The following GRID2 variants were observed in gnomAD, a reference collection of about 807,000 sequenced individuals.
GRID2 encodes glutamate ionotropic receptor delta type subunit 2.
Under a neutral mutation model 114.8 loss-of-function variants are expected in GRID2, and 33 were observed. That is an observed-to-expected ratio of 0.29 (90% CI 0.22 to 0.38). The LOEUF is 0.38. GRID2 is among the 10% of genes least tolerant of loss of function. The probability of loss-of-function intolerance (pLI) is 1.00; values close to 1 mark genes in which losing one functional copy is unlikely to be tolerated. For synonymous variants in GRID2, 505 were observed against 449.9 expected (o/e 1.12, Z -1.55); for missense variants, 1,184 against 1,257.7 (o/e 0.94, Z 0.89).
intron 3 of GRID2, among the ~76,000 whole-genome samples, chr4:93,106,033 C>G (rs374293019): frequency 5.6e-4 from 85 of 152,258 alleles, no homozygotes; most frequent in Non-Finnish European, 1.0e-3. Context: ...CTTCCTCCTC[C>G]CCCAGTCTTA....
At chr4:92,751,955 G>C (rs962636928) in intron 2 of GRID2, among the ~76,000 whole-genome samples, 3 of 152,194 alleles carry the variant, frequency 2.0e-5, no homozygotes, top group African/African-American at 7.2e-5. Context: ...AGATGAGCCA[G>C]TGTTCTAAGG....
At chr4:92,426,642 A>G (rs1053791920) in intron 1 of GRID2, among the ~76,000 whole-genome samples, 2 of 152,170 alleles carry the variant, frequency 1.3e-5, no homozygotes, top group African/African-American at 4.8e-5. Flanking sequence ...CCCTTTGGAA[A>G]TACAATCACA....
intron 2 of GRID2, among the ~76,000 whole-genome samples, chr4:92,687,794 A>C (rs1037181167): frequency 6.6e-6 from 1 of 151,904 alleles, no homozygotes; most frequent in African/African-American, 2.4e-5. Flanking sequence ...GCACCACTGC[A>C]CTCCAGCCTG....
intron 8 of GRID2, among the ~76,000 whole-genome samples, chr4:93,371,748 T>TTC (rs2149292853): frequency 7.2e-6 from 1 of 138,576 alleles, no homozygotes; most frequent in South Asian, 2.4e-4. Flanking sequence ...TTTCTTTTTT[T>TTC]TTTTTTTTTT....
intron 2 of GRID2, among the ~76,000 whole-genome samples, chr4:92,720,655 G>A (rs1455237116): frequency 1.3e-5 from 2 of 151,880 alleles, no homozygotes; most frequent in Admixed American, 6.6e-5. Flanking sequence ...TACAATTTAG[G>A]ATCAATATAA....
intron 1 of GRID2, among the ~76,000 whole-genome samples, chr4:92,577,641 A>T (rs908856274): frequency 6.6e-6 from 1 of 152,176 alleles, no homozygotes; most frequent in Non-Finnish European, 1.5e-5. Flanking sequence ...AGGACTTGGT[A>T]TGTGAAAAAA....
chr4:93,249,415 C>T (rs1008930801), intron 8 of GRID2, among the ~76,000 whole-genome samples: 1 of 152,000 alleles, frequency 6.6e-6, no homozygotes, highest in South Asian at 2.1e-4. Context: ...GTGAAGAAAG[C>T]TAATGGTAGC....
At chr4:92,685,378 G>T (rs1001919786) in intron 2 of GRID2, among the ~76,000 whole-genome samples, 2 of 152,028 alleles carry the variant, frequency 1.3e-5, no homozygotes, top group Admixed American at 6.6e-5. Flanking sequence ...ATATAGTAGA[G>T]AAATGGGGTT....
chr4:92,359,418 G>A (rs1487870332), intron 1 of GRID2, among the ~76,000 whole-genome samples: 2 of 151,920 alleles, frequency 1.3e-5, no homozygotes, highest in South Asian at 4.1e-4. Context: ...TTACTTATCT[G>A]ACCTATAACT....
chr4:92,658,778 T>C (rs980322681), intron 2 of GRID2, among the ~76,000 whole-genome samples: 11 of 74,304 alleles, frequency 1.5e-4, no homozygotes, highest in Admixed American at 3.4e-4. Flanking sequence ...TGTTTGCATG[T>C]ATGTGTGTGT....
chr4:93,537,262 G>C (rs577795305), intron 13 of GRID2, among the ~76,000 whole-genome samples: 1 of 151,506 alleles, frequency 6.6e-6, no homozygotes, highest in Non-Finnish European at 1.5e-5. Flanking sequence ...GTAGTCTCTC[G>C]ATTTATTATT....
intron 1 of GRID2, among the ~76,000 whole-genome samples, chr4:92,310,543 A>G (rs1235991538): frequency 6.6e-6 from 1 of 152,052 alleles, no homozygotes; most frequent in Non-Finnish European, 1.5e-5. Flanking sequence ...AAATTTTAGC[A>G]TATTGATGTG....
At chr4:93,020,880 A>G (rs1024389505) in intron 2 of GRID2, among the ~76,000 whole-genome samples, 4 of 152,042 alleles carry the variant, frequency 2.6e-5, no homozygotes, top group Non-Finnish European at 4.4e-5. Flanking sequence ...TAAAAATACA[A>G]AATTAGCCGG....
intron 1 of GRID2, among the ~76,000 whole-genome samples, chr4:92,399,669 A>C (rs201066572): frequency 0.14 from 18,549 of 133,764 alleles, 1,187 homozygotes; most frequent in Non-Finnish European, 0.17. Context: ...CTCTCTCTAT[A>C]TATATATATA....
intron 2 of GRID2, among the ~76,000 whole-genome samples, chr4:92,873,777 T>C (rs1182811543): frequency 6.6e-6 from 1 of 152,142 alleles, no homozygotes; most frequent in Non-Finnish European, 1.5e-5. Flanking sequence ...TGCAATGGCA[T>C]GATCTCGGCT....
At chr4:93,736,838 G>A (rs1391943682) in intron 14 of GRID2, among the ~76,000 whole-genome samples, 2 of 146,468 alleles carry the variant, frequency 1.4e-5, no homozygotes, top group African/African-American at 2.5e-5. Flanking sequence ...TAATCCTACA[G>A]GTTGTTACCT....
chr4:92,829,233 T>G (rs1741935179), intron 2 of GRID2, among the ~76,000 whole-genome samples: 1 of 152,214 alleles, frequency 6.6e-6, no homozygotes. Context: ...TTTCTGCATA[T>G]GGCTAGCCAG....
intron 1 of GRID2, among the ~76,000 whole-genome samples, chr4:92,520,882 G>A (rs1406039352): frequency 1.3e-5 from 2 of 151,916 alleles, no homozygotes; most frequent in Non-Finnish European, 2.9e-5. Context: ...AGGTCATAGG[G>A]ACAGGAAACA....
At chr4:93,358,842 G>C (rs183049908) in intron 8 of GRID2, among the ~76,000 whole-genome samples, 120 of 152,078 alleles carry the variant, frequency 7.9e-4, no homozygotes, top group Admixed American at 1.4e-3. Context: ...ACATAAGGGA[G>C]GTTAATTTTC....
Sources: gnomAD v4.1 joint callset for allele counts (sites outside exome capture counted in the v4.1 genomes callset) on GRCh38, gnomAD v4.1.1 for gene constraint, MANE v1.5 for transcripts, NCBI Gene and HGNC (gene_info 2026-07-23, HGNC 2026-07-21) for gene names.